SLC44A5: variants seen among roughly 807,000 people sequenced by gnomAD.
SLC44A5 encodes solute carrier family 44 member 5.
A neutral mutation model predicts 101.8 loss-of-function variants in SLC44A5; 57 were observed. That is an observed-to-expected ratio of 0.56 (90% CI 0.45 to 0.70). SLC44A5 has a LOEUF of 0.70. SLC44A5 is among the 30% of genes least tolerant of loss of function. SLC44A5 has a pLI of 0.00. For synonymous variants in SLC44A5, 281 were observed against 290.9 expected (o/e 0.97, Z 0.35); for missense variants, 737 against 853.1 (o/e 0.86, Z 1.70).
chr1:75,301,066 C>A (rs1254428985), intron 4 of SLC44A5, among the ~76,000 whole-genome samples: 1 of 152,026 alleles, frequency 6.6e-6, no homozygotes, highest in Non-Finnish European at 1.5e-5. Flanking sequence ...TATAAAATAG[C>A]CATTTCCCAC....
rs546413134 is a variant in SLC44A5, at chr1:75,346,937, G to A, written c.53-7307C>T. On this transcript the variant is annotated intron_variant, in intron 3 of 23. Coordinates refer to ENST00000370859, the MANE Select transcript of SLC44A5 (RefSeq NM_001130058.2). ...TGGAAAACGAACAGCATACGCATTC[G>A]CCCTAAATATAAAACAAGTGACTTC... 3.3e-5 allele frequency among the ~76,000 whole-genome samples: 5 copies of A among 152,072 alleles called. No homozygotes were observed. In the South Asian group the frequency reaches 6.2e-4, roughly 19 times the overall value.
intron 2 of SLC44A5, among the ~76,000 whole-genome samples, chr1:75,454,320 T>C (rs1310463530): frequency 1.3e-5 from 2 of 152,058 alleles, no homozygotes; most frequent in African/African-American, 2.4e-5. Flanking sequence ...TCTCAATAAA[T>C]GCAGAAAAAG....
At chr1:75,470,082 C>T (rs1351382369) in intron 2 of SLC44A5, among the ~76,000 whole-genome samples, 1 of 151,980 alleles carries the variant, frequency 6.6e-6, no homozygotes, top group Non-Finnish European at 1.5e-5. Context: ...TAAAGATATT[C>T]CTACAGTTTT....
chr1:75,430,896 C>G (rs559965688), intron 2 of SLC44A5, among the ~76,000 whole-genome samples: 2 of 152,324 alleles, frequency 1.3e-5, no homozygotes, highest in Non-Finnish European at 1.5e-5. Flanking sequence ...TATTCCCCAC[C>G]ACCTCTCTTG....
chr1:75,640,908 A>G, the SLC44A5 span, among the ~76,000 whole-genome samples: 1 of 152,084 alleles, frequency 6.6e-6, no homozygotes, highest in Non-Finnish European at 1.5e-5. Context: ...CCTCTTGGAA[A>G]ATATTAATAA....
intron 1 of SLC44A5, among the ~76,000 whole-genome samples, chr1:75,606,091 G>A (rs894681550): frequency 4.6e-5 from 7 of 151,686 alleles, no homozygotes; most frequent in Admixed American, 2.0e-4. Flanking sequence ...GCTAGTTCCC[G>A]CACAATTTTT....
Position 75,611,021 on chromosome 1 carries a change from A to C in SLC44A5, c.-70+19T>G. On this transcript the variant is annotated intron_variant, in intron 1 of 23. Coordinates refer to ENST00000370859, the MANE Select transcript of SLC44A5 (RefSeq NM_001130058.2). ...TTTCCTACAGACATAGACTTCTTGC[A>C]TTTAGCAGTATCACTCACCTCTTAC... is the stretch of plus-strand genomic sequence containing the variant. The C allele has an allele frequency of 1.0e-6, 1 of 981,376 alleles. No homozygotes were observed. Among genetic ancestry groups the C allele is most frequent in the Non-Finnish European group, 1.2e-6 (1 of 826,260 alleles). 60.8% of individuals were successfully genotyped at this position (981,376 alleles called of 1,614,324 possible).
At chr1:75,446,933 A>G (rs1278130642) in intron 2 of SLC44A5, among the ~76,000 whole-genome samples, 1 of 152,206 alleles carries the variant, frequency 6.6e-6, no homozygotes, top group Non-Finnish European at 1.5e-5. Flanking sequence ...ATCACTATTT[A>G]GATGCAATCA....
At chr1:75,446,150 T>C (rs1570303907) in intron 2 of SLC44A5, among the ~76,000 whole-genome samples, 1 of 152,324 alleles carries the variant, frequency 6.6e-6, no homozygotes, top group East Asian at 1.9e-4. Flanking sequence ...CTACATGCAG[T>C]GGAGTGATCT....
chr1:75,475,425 ACTC>A (rs1208260247), intron 2 of SLC44A5, among the ~76,000 whole-genome samples: 1 of 152,066 alleles, frequency 6.6e-6, no homozygotes, highest in East Asian at 1.9e-4. Flanking sequence ...TTGAGTTTAA[ACTC>A]CTCTGAACAA....
chr1:75,566,018 A>G (rs774611971), intron 1 of SLC44A5, among the ~76,000 whole-genome samples: 8 of 152,238 alleles, frequency 5.3e-5, no homozygotes, highest in Admixed American at 1.3e-4. Flanking sequence ...TTTAAATAGC[A>G]TACATTTCAC....
chr1:75,391,450 C>T (rs1475659415), intron 3 of SLC44A5, among the ~76,000 whole-genome samples: 1 of 152,142 alleles, frequency 6.6e-6, no homozygotes, highest in Non-Finnish European at 1.5e-5. Context: ...CTTCAGACAT[C>T]ACATTACCTA....
chr1:75,451,413 A>G (rs1283135023), intron 2 of SLC44A5, among the ~76,000 whole-genome samples: 2 of 152,202 alleles, frequency 1.3e-5, no homozygotes, highest in African/African-American at 2.4e-5. Context: ...GCATAAGGCT[A>G]TAGAAGCAAA....
chr1:75,284,016 A>T (rs1014645198), intron 5 of SLC44A5, among the ~76,000 whole-genome samples: 2 of 151,802 alleles, frequency 1.3e-5, no homozygotes, highest in Non-Finnish European at 2.9e-5. Context: ...GAATTTTAAG[A>T]TTGTTTTTTC....
chr1:75,702,737 A>T, the SLC44A5 span, among the ~76,000 whole-genome samples: 1 of 152,236 alleles, frequency 6.6e-6, no homozygotes, highest in Admixed American at 6.5e-5. Context: ...ACAGAATGGG[A>T]GAAAATTTTT....
the SLC44A5 span, among the ~76,000 whole-genome samples, chr1:75,659,346 A>G: frequency 6.8e-6 from 1 of 147,516 alleles, no homozygotes; most frequent in African/African-American, 2.5e-5. Flanking sequence ...AAAAGAGAGA[A>G]AAAAAGAAAG....
chr1:75,709,209 C>A, the SLC44A5 span, among the ~76,000 whole-genome samples: 1 of 152,136 alleles, frequency 6.6e-6, no homozygotes, highest in Non-Finnish European at 1.5e-5. Context: ...AGCCTATAAC[C>A]AAATGTATGC....
At chr1:75,599,879 G>C (rs1674873302) in intron 1 of SLC44A5, among the ~76,000 whole-genome samples, 1 of 152,086 alleles carries the variant, frequency 6.6e-6, no homozygotes, top group African/African-American at 2.4e-5. Flanking sequence ...TTCTAGACTT[G>C]GATGGTTTGC....
chr1:75,385,009 T>C (rs567443646), intron 3 of SLC44A5, among the ~76,000 whole-genome samples: 6 of 151,914 alleles, frequency 3.9e-5, no homozygotes, highest in South Asian at 2.1e-4. Context: ...TTGAAACCAA[T>C]GAGAACAAAG....
Sources: gnomAD v4.1 joint callset for allele counts (sites outside exome capture counted in the v4.1 genomes callset) on GRCh38, gnomAD v4.1.1 for gene constraint, MANE v1.5 for transcripts, NCBI Gene and HGNC (gene_info 2026-07-23, HGNC 2026-07-21) for gene names.